MIA2: variants seen among roughly 807,000 people sequenced by gnomAD.
MIA2 encodes the protein melanoma inhibitory activity protein 2.
In MIA2, 127 loss-of-function variants were observed where a neutral mutation model predicts 167.8. That is an observed-to-expected ratio of 0.76 (90% CI 0.66 to 0.88). MIA2 has a LOEUF of 0.88. Ranked by LOEUF, MIA2 falls within the 40% of genes least tolerant of loss-of-function variation. MIA2 has a pLI of 0.00. For missense variants in MIA2, 1,690 were observed against 1,624.7 expected (o/e 1.04, Z -0.69); for synonymous variants, 552 against 541.9 (o/e 1.02, Z -0.26).
At chr14:39,381,107 CAT>C (rs1415523961) in intron 23 of MIA2, among the ~76,000 whole-genome samples, 1 of 151,776 alleles carries the variant, frequency 6.6e-6, no homozygotes, top group East Asian at 1.9e-4. Context: ...CTTGGGGTAT[CAT>C]AAGGAAAAAC....
At chr14:39,274,459 C>T (rs552644621) in intron 6 of MIA2, among the ~76,000 whole-genome samples, 132 of 144,618 alleles carry the variant, frequency 9.1e-4, no homozygotes, top group Non-Finnish European at 1.4e-3. Flanking sequence ...GATGGAGTCT[C>T]ACTCTGTCAC....
intron 9 of MIA2, among the ~76,000 whole-genome samples, chr14:39,289,796 TGGG>T (rs1210205516): frequency 6.6e-6 from 1 of 152,134 alleles, no homozygotes; most frequent in Non-Finnish European, 1.5e-5. Context: ...AAACCAATCT[TGGG>T]GGCAAAAGTT....
rs778635580 is a variant in MIA2, at chr14:39,236,978, C to G, written c.172C>G (p.Leu58Val). 12 of 1,614,044 alleles carry G rather than the reference C, an allele frequency of 7.4e-6. No individual in the cohort carries two copies. Among genetic ancestry groups the G allele is most frequent in the South Asian group, 1.1e-5 (1 of 91,084 alleles). ...TTATAGAGGACCTGACTGCCGATACCTGAACTTCACTAAGGGAGAAGAGAT... is the reference window on the plus strand; with the variant it reads ...TTATAGAGGACCTGACTGCCGATACGTGAACTTCACTAAGGGAGAAGAGAT... ...RDYRGPDCRY[L>V]NFTKGEEISV... Residue 58 changes from leucine (L) to valine (V), a missense_variant, in exon 2 of 29, where the codon CTG becomes GTG. Coordinates refer to ENST00000640607, the MANE Select transcript of MIA2 (RefSeq NM_001329214.4).
At chr14:39,358,689 A>G (rs980041465) in intron 23 of MIA2, among the ~76,000 whole-genome samples, 1 of 151,806 alleles carries the variant, frequency 6.6e-6, no homozygotes, top group Non-Finnish European at 1.5e-5. Context: ...GGTTTTATCT[A>G]CCTTTGGTCT....
chr14:39,349,169 G>A (rs933117125), intron 28 of MIA2, among the ~76,000 whole-genome samples, 192 bp downstream of exon 28: 1 of 152,146 alleles, frequency 6.6e-6, no homozygotes, highest in South Asian at 2.1e-4. Context: ...TGAGGTTTCA[G>A]CTTGATTCAT....
chr14:39,359,924 G>A (rs1054451120), intron 23 of MIA2, among the ~76,000 whole-genome samples: 1 of 151,362 alleles, frequency 6.6e-6, no homozygotes, highest in Non-Finnish European at 1.5e-5. Flanking sequence ...TGCCATAGTG[G>A]TTATACTAAT....
chr14:39,348,392 A>G (rs981438799), intron 27 of MIA2, among the ~76,000 whole-genome samples: 1 of 152,148 alleles, frequency 6.6e-6, no homozygotes, highest in African/African-American at 2.4e-5. Context: ...TAAGATATTG[A>G]TTTTTGGAAA....
chr14:39,298,606 G>A (rs376662208), intron 13 of MIA2, among the ~76,000 whole-genome samples: 35 of 144,036 alleles, frequency 2.4e-4, no homozygotes, highest in East Asian at 1.8e-3. Flanking sequence ...GGCTGAGTCC[G>A]AAAAGAGTCA....
chr14:39,286,946 G>A (rs1260526462), intron 9 of MIA2, among the ~76,000 whole-genome samples: 1 of 151,808 alleles, frequency 6.6e-6, no homozygotes, highest in Admixed American at 6.6e-5. Flanking sequence ...GGCTGGTCTC[G>A]AACTTCTGAC....
Position 39,247,029 on chromosome 14 carries a change from C to A in MIA2, c.455C>A (p.Ser152Tyr). The change falls in exon 4 of 29, where the codon TCT becomes TAT. Residue 152 changes from serine to tyrosine, a missense_variant. Physicochemically the swap from Ser to Tyr is moderately radical, Grantham distance 144 (BLOSUM62 -2). Transcript: ENST00000640607. ...YPYEEDKDEK[S>Y]SIYESDFQIE... ...TATGAAGAAGATAAAGATGAAAAAT[C>A]TAGTATATATGAAAGTGATTTTCAG... 6.3e-7 allele frequency: 1 copy of A among 1,595,518 alleles called. No homozygotes were observed. The highest frequency in any genetic ancestry group is 1.2e-5 in the South Asian group (1 of 86,832).
Position 39,295,062 on chromosome 14 carries a change from A to G in MIA2, c.2496+33A>G, listed in dbSNP as rs1202632571. Reference sequence around the variant, plus strand: ...CTCCGTAGGGACTCTTCAACTTGTGAATATGTAATTATAGATGTTCTTGTC... The same window carrying G: ...CTCCGTAGGGACTCTTCAACTTGTGGATATGTAATTATAGATGTTCTTGTC... On this transcript the variant is annotated intron_variant, in intron 13 of 28. Transcript: ENST00000640607. The G allele has an allele frequency of 2.2e-6, 3 of 1,370,936 alleles. No homozygotes were observed. In the South Asian group the frequency reaches 3.5e-5, roughly 16 times the overall value. 84.9% of individuals were successfully genotyped at this position (1,370,936 alleles called of 1,614,324 possible).
At chr14:39,326,069 CT>C (rs2067491264) in intron 24 of MIA2, among the ~76,000 whole-genome samples, 1 of 152,170 alleles carries the variant, frequency 6.6e-6, no homozygotes, top group African/African-American at 2.4e-5. Flanking sequence ...AAGAAGGGAA[CT>C]TTAAAATTAC....
intron 25 of MIA2, among the ~76,000 whole-genome samples, chr14:39,327,916 G>A (rs1595673407): frequency 6.6e-6 from 1 of 152,130 alleles, no homozygotes; most frequent in Non-Finnish European, 1.5e-5. Flanking sequence ...CATGAACAGT[G>A]CCGCAATAAA....
chr14:39,261,261 T>A (rs1294225869), intron 6 of MIA2, among the ~76,000 whole-genome samples: 1 of 152,162 alleles, frequency 6.6e-6, no homozygotes, highest in African/African-American at 2.4e-5. Flanking sequence ...GTTCTTGCGA[T>A]AGTTTGCTCA....
chr14:39,361,125 T>C (rs1308070933), intron 23 of MIA2, among the ~76,000 whole-genome samples: 3 of 152,214 alleles, frequency 2.0e-5, no homozygotes, highest in Non-Finnish European at 2.9e-5. Context: ...CTTTGGCTAG[T>C]TCTGGCTCTT....
intron 25 of MIA2, among the ~76,000 whole-genome samples, chr14:39,341,985 G>A (rs2096861305): frequency 6.6e-6 from 1 of 151,886 alleles, no homozygotes; most frequent in South Asian, 2.1e-4. Flanking sequence ...AGAAAGGTTG[G>A]GTAACTTGGT....
chr14:39,247,261 GGGA>G lies in MIA2; in HGVS notation c.692_694del (p.Gly231del). ...CTGGAGTCAAAGAATGGTTTGGATT[GGGA>G]GGAGAACAAGCTGAAGAGAAGGCTT... On this transcript the variant is annotated inframe_deletion, in exon 4 of 29. Coordinates refer to ENST00000640607, the MANE Select transcript of MIA2 (RefSeq NM_001329214.4). The G allele has an allele frequency of 1.2e-6, 2 of 1,614,016 alleles. No individual in the cohort carries two copies. The highest frequency in any genetic ancestry group is 1.7e-6 in the Non-Finnish European group (2 of 1,179,998).
At chr14:39,319,973 A>G (rs1294138205) in intron 23 of MIA2, among the ~76,000 whole-genome samples, 1 of 152,170 alleles carries the variant, frequency 6.6e-6, no homozygotes, top group Admixed American at 6.5e-5. Flanking sequence ...AACCTTGGAA[A>G]GTTATAAAAA....
At chr14:39,314,446 T>C (rs950565727) in intron 19 of MIA2, among the ~76,000 whole-genome samples, 4 of 144,824 alleles carry the variant, frequency 2.8e-5, no homozygotes, top group Non-Finnish European at 6.1e-5. Context: ...TTCTTAAAAA[T>C]AAAAAAAAAA....
Sources: gnomAD v4.1 joint callset for allele counts (sites outside exome capture counted in the v4.1 genomes callset) on GRCh38, gnomAD v4.1.1 for gene constraint, MANE v1.5 for transcripts, NCBI Gene and HGNC (gene_info 2026-07-23, HGNC 2026-07-21) for gene names.